DACH2: variants seen among roughly 807,000 people sequenced by gnomAD.
DACH2 encodes dachshund homolog 2.
In DACH2, 17 loss-of-function variants were observed where a neutral mutation model predicts 35.8. That is an observed-to-expected ratio of 0.48 (90% CI 0.33 to 0.71). The LOEUF (loss-of-function observed/expected upper bound fraction) is 0.71. Ranked by LOEUF, DACH2 falls within the 30% of genes least tolerant of loss-of-function variation. The pLI, the probability that DACH2 is intolerant of heterozygous loss-of-function variation, is 0.02. For missense variants in DACH2, 469 were observed against 472.7 expected, an observed-to-expected ratio of 0.99 and a Z score of 0.07; for synonymous variants, 195 against 177.3, an observed-to-expected ratio of 1.10 and a Z score of -0.79.
chrX:86,714,729 C>G lies in DACH2; in HGVS notation c.1104+9C>G. The G allele has an allele frequency of 2.6e-6, 3 of 1,141,166 alleles. No homozygotes were observed. Among genetic ancestry groups the G allele is most frequent in the Non-Finnish European group, 3.5e-6 (3 of 851,259 alleles). The allele number at this position is 1,141,166 out of a possible 1,213,427, so 94.0% of individuals were successfully genotyped here. On this transcript the variant is annotated intron_variant, in intron 6 of 11. Transcript: ENST00000373125. ...GTACCTCTGTTATAAAGGTAAGAAT[C>G]GTGATTTAGAAAAGGACAAAGGTGT...
chrX:86,503,418 G>A (rs2038279161), intron 2 of DACH2, among the ~76,000 whole-genome samples: 1 of 112,358 alleles, frequency 8.9e-6, no homozygotes, highest in Non-Finnish European at 1.9e-5. Context: ...GTTAACTAAT[G>A]TATTAACTAG....
At chrX:86,407,373 T>C (rs1448680294) in intron 2 of DACH2, among the ~76,000 whole-genome samples, 1 of 111,822 alleles carries the variant, frequency 8.9e-6, no homozygotes, top group Non-Finnish European at 1.9e-5. Context: ...GTAAATGACC[T>C]ATCCCTCAAT....
At chrX:86,195,611 G>T (rs748677371) in intron 1 of DACH2, among the ~76,000 whole-genome samples, 9 of 112,324 alleles carry the variant, frequency 8.0e-5, no homozygotes, top group Non-Finnish European at 1.7e-4. Context: ...TGCTACTGCT[G>T]CTGCTGGCAT....
intron 2 of DACH2, among the ~76,000 whole-genome samples, chrX:86,382,945 C>A (rs1029771642): frequency 9.0e-6 from 1 of 110,634 alleles, no homozygotes; most frequent in African/African-American, 3.3e-5. Context: ...TCTTTCATTG[C>A]TATTTTTGCT....
intron 11 of DACH2, among the ~76,000 whole-genome samples, chrX:86,816,639 G>A (rs776132459): frequency 2.1e-4 from 23 of 111,654 alleles, no homozygotes; most frequent in African/African-American, 7.1e-4. Context: ...TGATTTACAT[G>A]ATTATCACAA....
chrX:86,543,909 G>A (rs981724645), intron 3 of DACH2, among the ~76,000 whole-genome samples: 26 of 105,124 alleles, frequency 2.5e-4, no homozygotes, highest in African/African-American at 8.7e-4. Context: ...TGGGTGCAGC[G>A]CACCAGCATG....
intron 2 of DACH2, among the ~76,000 whole-genome samples, chrX:86,442,749 C>T (rs2037190727): frequency 1.8e-5 from 2 of 111,204 alleles, no homozygotes; most frequent in Admixed American, 1.9e-4. Context: ...TAAGGGACTT[C>T]TAGCTTCATT....
intron 1 of DACH2, among the ~76,000 whole-genome samples, chrX:86,339,636 G>A (rs1402682743): frequency 2.7e-5 from 3 of 111,506 alleles, no homozygotes; most frequent in Non-Finnish European, 5.7e-5. Context: ...AAGTGGTGGA[G>A]CTCAGAGTCT....
At chrX:86,608,695 A>C (rs1164721031) in intron 3 of DACH2, among the ~76,000 whole-genome samples, 1 of 111,674 alleles carries the variant, frequency 9.0e-6, no homozygotes, top group Non-Finnish European at 1.9e-5. Flanking sequence ...TTCATGTTTA[A>C]AGAATATTTT....
At chrX:86,777,455 C>G (rs147022821) in intron 7 of DACH2, among the ~76,000 whole-genome samples, 64 of 111,274 alleles carry the variant, frequency 5.8e-4, no homozygotes, top group African/African-American at 2.1e-3. Context: ...AGGAAGCTTA[C>G]CAAATTTTGA....
intron 3 of DACH2, among the ~76,000 whole-genome samples, chrX:86,598,938 T>A (rs755125289): frequency 9.1e-6 from 1 of 110,439 alleles, no homozygotes; most frequent in Admixed American, 9.6e-5. Context: ...TATCTCCTAA[T>A]GCTATCCCTC....
intron 5 of DACH2, among the ~76,000 whole-genome samples, chrX:86,713,967 A>G (rs1274723633): frequency 9.0e-6 from 1 of 111,677 alleles, no homozygotes; most frequent in Non-Finnish European, 1.9e-5. Flanking sequence ...TGATATTTTG[A>G]TAGGGGAGTT....
At chrX:86,292,370 A>T (rs1186352876) in intron 1 of DACH2, among the ~76,000 whole-genome samples, 86 of 95,404 alleles carry the variant, frequency 9.0e-4, no homozygotes, top group Non-Finnish European at 1.6e-3. Flanking sequence ...TCCATTCAAA[A>T]AACCAGCTCC....
At chrX:86,416,899 G>A (rs188836904) in intron 2 of DACH2, among the ~76,000 whole-genome samples, 75 of 109,500 alleles carry the variant, frequency 6.8e-4, no homozygotes, top group Admixed American at 1.6e-3. Context: ...AGGATTTCGA[G>A]CCTGGCCAAT....
At chrX:86,263,053 G>GA (rs1489402023) in intron 1 of DACH2, 2 of 669,894 alleles carry the variant, frequency 3.0e-6, no homozygotes, top group East Asian at 3.2e-4. Flanking sequence ...AACCGCTAAA[G>GA]AAAAAGGAGA....
intron 7 of DACH2, among the ~76,000 whole-genome samples, chrX:86,750,494 A>G (rs1332868573): frequency 8.9e-6 from 1 of 111,900 alleles, no homozygotes; most frequent in African/African-American, 3.2e-5. Flanking sequence ...TGCTCAATAG[A>G]CTAGTGTTGA....
At chrX:86,278,076 CA>C (rs750160673) in intron 1 of DACH2, among the ~76,000 whole-genome samples, 50 of 110,967 alleles carry the variant, frequency 4.5e-4, no homozygotes, top group African/African-American at 1.5e-3. Context: ...AACTTGCACC[CA>C]AAAAAGGTCA....
chrX:86,685,871 C>T (rs1318388628), intron 4 of DACH2, among the ~76,000 whole-genome samples: 2 of 111,454 alleles, frequency 1.8e-5, no homozygotes, highest in Non-Finnish European at 3.8e-5. Context: ...ACACCTTCCA[C>T]CAGGCCCCAC....
intron 1 of DACH2, 109 bp from the exon 2 acceptor site, chrX:86,376,714 GA>G: frequency 9.9e-7 from 1 of 1,012,081 alleles, no homozygotes; most frequent in East Asian, 3.6e-5. Flanking sequence ...CAGAATTTAG[GA>G]AGATGTTTTG....
Sources: allele counts gnomAD v4.1 joint callset (sites outside exome capture counted in the v4.1 genomes callset), GRCh38; gene constraint gnomAD v4.1.1; transcripts MANE v1.5; gene names NCBI Gene and HGNC (gene_info 2026-07-23, HGNC 2026-07-21).